SEMA6D: variants seen among roughly 807,000 people sequenced by gnomAD.
SEMA6D encodes semaphorin-6D.
Under a neutral mutation model 106.6 loss-of-function variants are expected in SEMA6D, and 35 were observed. The ratio of observed to expected loss-of-function variants is 0.33; its 90% CI spans 0.25 to 0.44. The LOEUF (loss-of-function observed/expected upper bound fraction) is 0.44, where lower values mean the gene tolerates loss of function less well. SEMA6D is among the 20% of genes least tolerant of loss of function. SEMA6D has a pLI of 1.00. For missense variants in SEMA6D, 1,185 were observed against 1,345.9 expected (o/e 0.88, Z 1.87); for synonymous variants, 499 against 487.7 (o/e 1.02, Z -0.31).
intron 2 of SEMA6D, among the ~76,000 whole-genome samples, chr15:47,450,353 T>C (rs1479844768): frequency 6.6e-6 from 1 of 152,074 alleles, no homozygotes; most frequent in African/African-American, 2.4e-5. Context: ...CCACCTCCAG[T>C]ATACTGATCA....
intron 1 of SEMA6D, among the ~76,000 whole-genome samples, chr15:47,393,086 G>A (rs2040093768): frequency 6.6e-6 from 1 of 152,242 alleles, no homozygotes; most frequent in African/African-American, 2.4e-5. Flanking sequence ...CTCTCTCAGG[G>A]TAGTAGGAAA....
At chr15:47,748,166 G>A (rs1354699939) in intron 1 of SEMA6D, among the ~76,000 whole-genome samples, 2 of 152,318 alleles carry the variant, frequency 1.3e-5, no homozygotes, top group Non-Finnish European at 1.5e-5. Context: ...TCTTGGTTTT[G>A]CAGCACCTGA....
chr15:47,548,778 T>A (rs537446589), intron 3 of SEMA6D, among the ~76,000 whole-genome samples: 2 of 152,142 alleles, frequency 1.3e-5, no homozygotes, highest in Non-Finnish European at 2.9e-5. Flanking sequence ...AAGTATGTTT[T>A]TGTGCACATA....
intron 4 of SEMA6D, among the ~76,000 whole-genome samples, chr15:47,679,622 T>TACAATTTCACTGTTCCCCAAAGTGCTTC (rs1384324848): frequency 1.3e-5 from 2 of 152,212 alleles, no homozygotes; most frequent in Non-Finnish European, 2.9e-5. Flanking sequence ...TTTTTTGCTT[T>TACAATTTCACTGTTCCCCAAAGTGCTTC]ACAATTTCAC....
intron 4 of SEMA6D, among the ~76,000 whole-genome samples, chr15:47,617,253 G>A (rs532778408): frequency 2.8e-4 from 42 of 152,282 alleles, no homozygotes; most frequent in African/African-American, 9.6e-4. Flanking sequence ...ACTGCAGTCT[G>A]TTGCTTGGAG....
intron 1 of SEMA6D, among the ~76,000 whole-genome samples, chr15:47,753,583 G>A (rs114115835): frequency 1.2e-3 from 182 of 152,346 alleles, no homozygotes; most frequent in African/African-American, 3.8e-3. Flanking sequence ...AGCAGTATGA[G>A]CAAGCTGGAA....
chr15:47,609,170 A>G (rs2076841293), intron 4 of SEMA6D, among the ~76,000 whole-genome samples: 1 of 152,198 alleles, frequency 6.6e-6, no homozygotes. Flanking sequence ...AAATAGAAGA[A>G]TGGAGTAACC....
At chr15:47,532,250 C>T (rs1464339418) in intron 3 of SEMA6D, among the ~76,000 whole-genome samples, 3 of 152,088 alleles carry the variant, frequency 2.0e-5, no homozygotes, top group African/African-American at 7.2e-5. Flanking sequence ...AACTTCCTTC[C>T]ATCACCATCA....
chr15:47,258,457 T>C (rs150227827), intron 1 of SEMA6D, among the ~76,000 whole-genome samples: 2 of 152,280 alleles, frequency 1.3e-5, no homozygotes, highest in Non-Finnish European at 2.9e-5. Flanking sequence ...TGTACAGGCA[T>C]CATCCAATCT....
At chr15:47,365,137 T>G (rs1595834119) in intron 1 of SEMA6D, among the ~76,000 whole-genome samples, 1 of 152,116 alleles carries the variant, frequency 6.6e-6, no homozygotes, top group East Asian at 1.9e-4. Context: ...GACAGAACCT[T>G]CATTAGGAAT....
At chr15:47,436,637 A>T (rs1030647604) in intron 2 of SEMA6D, among the ~76,000 whole-genome samples, 1 of 150,888 alleles carries the variant, frequency 6.6e-6, no homozygotes, top group Non-Finnish European at 1.5e-5. Context: ...AACATTAAAG[A>T]TGGATATTTT....
chr15:47,202,567 G>T (rs1429978959), intron 1 of SEMA6D, among the ~76,000 whole-genome samples: 1 of 152,158 alleles, frequency 6.6e-6, no homozygotes, highest in Non-Finnish European at 1.5e-5. Flanking sequence ...GAGAAGAGAT[G>T]CAAGACCCTG....
intron 17 of SEMA6D, 196 bp downstream of exon 17, chr15:47,767,289 T>A (rs1199765988): frequency 2.2e-6 from 1 of 450,888 alleles, no homozygotes; most frequent in African/African-American, 2.0e-5. Flanking sequence ...TAACACTTCA[T>A]CATTGACCAA....
intron 2 of SEMA6D, among the ~76,000 whole-genome samples, chr15:47,427,435 G>A (rs1249828672): frequency 6.6e-6 from 1 of 152,116 alleles, no homozygotes; most frequent in Non-Finnish European, 1.5e-5. Flanking sequence ...ACATGTTTTA[G>A]CTTATTACAC....
At chr15:47,503,810 AC>A (rs2043945359) in intron 3 of SEMA6D, among the ~76,000 whole-genome samples, 1 of 151,962 alleles carries the variant, frequency 6.6e-6, no homozygotes, top group South Asian at 2.1e-4. Context: ...TTCTTCCCAC[AC>A]TCGGAAGTGA....
At chr15:47,368,697 A>C (rs1451104188) in intron 1 of SEMA6D, among the ~76,000 whole-genome samples, 1 of 152,158 alleles carries the variant, frequency 6.6e-6, no homozygotes, top group South Asian at 2.1e-4. Flanking sequence ...TAATCCTTGT[A>C]TTATATTTCC....
chr15:47,447,473 C>T (rs564854646), intron 2 of SEMA6D, among the ~76,000 whole-genome samples: 1 of 152,078 alleles, frequency 6.6e-6, no homozygotes, highest in Non-Finnish European at 1.5e-5. Flanking sequence ...GGGAGCTTGC[C>T]TATAGCTAAA....
intron 1 of SEMA6D, among the ~76,000 whole-genome samples, chr15:47,336,351 C>T (rs2037556137): frequency 6.6e-6 from 1 of 152,052 alleles, no homozygotes; most frequent in African/African-American, 2.4e-5. Context: ...GGAAGATTGC[C>T]CAAGTCCACA....
intron 1 of SEMA6D, among the ~76,000 whole-genome samples, chr15:47,366,339 A>G (rs991841970): frequency 2.0e-5 from 3 of 152,202 alleles, no homozygotes; most frequent in Non-Finnish European, 4.4e-5. Flanking sequence ...GGAGTTGTAC[A>G]GTGTGAACCT....
Sources: gnomAD v4.1 joint callset for allele counts (sites outside exome capture counted in the v4.1 genomes callset) on GRCh38, gnomAD v4.1.1 for gene constraint, MANE v1.5 for transcripts, NCBI Gene and HGNC (gene_info 2026-07-23, HGNC 2026-07-21) for gene names.